The following FHIT variants were observed in gnomAD, a reference collection of about 807,000 sequenced individuals.
The protein encoded by FHIT is bis(5'-adenosyl)-triphosphatase.
In FHIT, 19 loss-of-function variants were observed where a neutral mutation model predicts 17.9. That is an observed-to-expected ratio of 1.06 (90% CI 0.74 to 1.56). The LOEUF is 1.56. Ranked by LOEUF, FHIT falls within the 40% of genes most tolerant of loss-of-function variation. The pLI is 0.00. For missense variants in FHIT, 248 were observed against 189.2 expected (o/e 1.31, Z -1.82); for synonymous variants, 81 against 69.7 (o/e 1.16, Z -0.81).
At chr3:60,513,228 TGA>T (rs548284174) in intron 5 of FHIT, among the ~76,000 whole-genome samples, 96 of 152,332 alleles carry the variant, frequency 6.3e-4, no homozygotes, top group African/African-American at 2.3e-3. Context: ...TGAATCTCAA[TGA>T]GAGATAAACA....
intron 5 of FHIT, among the ~76,000 whole-genome samples, chr3:60,246,056 G>A (rs1705380498): frequency 1.3e-5 from 2 of 152,014 alleles, no homozygotes; most frequent in African/African-American, 4.8e-5. Context: ...CTTAAAAAAT[G>A]CTTATTTTTA....
chr3:61,074,028 C>G (rs1245527095), intron 2 of FHIT, among the ~76,000 whole-genome samples: 1 of 152,098 alleles, frequency 6.6e-6, no homozygotes, highest in South Asian at 2.1e-4. Context: ...TTATTAGACA[C>G]GAGAATGTAA....
chr3:60,322,345 G>A (rs1709471045), intron 5 of FHIT, among the ~76,000 whole-genome samples: 1 of 152,104 alleles, frequency 6.6e-6, no homozygotes, highest in South Asian at 2.1e-4. Flanking sequence ...CATCACATGT[G>A]ACATCCCATT....
At chr3:59,843,807 A>C (rs1033983289) in intron 8 of FHIT, among the ~76,000 whole-genome samples, 1 of 151,606 alleles carries the variant, frequency 6.6e-6, no homozygotes, top group Non-Finnish European at 1.5e-5. Flanking sequence ...GGTTTTCTAC[A>C]TGTAAGTTCA....
intron 3 of FHIT, among the ~76,000 whole-genome samples, chr3:60,984,785 G>GGT (rs58578875): frequency 6.5e-4 from 98 of 150,148 alleles, no homozygotes; most frequent in East Asian, 2.2e-3. Context: ...TTCATGAAGG[G>GGT]GTGTGTGTGT....
chr3:61,120,009 C>A (rs973740654), intron 2 of FHIT, among the ~76,000 whole-genome samples: 13 of 152,276 alleles, frequency 8.5e-5, no homozygotes, highest in Admixed American at 3.3e-4. Flanking sequence ...TTTATTGATT[C>A]TTTTTCTCTG....
chr3:60,323,503 A>G (rs1056244745), intron 5 of FHIT, among the ~76,000 whole-genome samples: 11 of 152,148 alleles, frequency 7.2e-5, no homozygotes, highest in African/African-American at 2.7e-4. Context: ...AACCTGGTAT[A>G]TGGTACAACA....
chr3:60,169,040 T>C (rs1288006500), intron 5 of FHIT, among the ~76,000 whole-genome samples: 1 of 152,190 alleles, frequency 6.6e-6, no homozygotes, highest in Admixed American at 6.5e-5. Context: ...GGGGTAAAAG[T>C]ACGTGGATGA....
chr3:60,877,258 G>A (rs1553756751), intron 3 of FHIT, among the ~76,000 whole-genome samples: 1 of 152,144 alleles, frequency 6.6e-6, no homozygotes, highest in Non-Finnish European at 1.5e-5. Flanking sequence ...CCTCCATAAG[G>A]CTAAGCTGCC....
At chr3:61,017,080 A>G (rs2032154418) in intron 3 of FHIT, among the ~76,000 whole-genome samples, 1 of 152,198 alleles carries the variant, frequency 6.6e-6, no homozygotes, top group Non-Finnish European at 1.5e-5. Context: ...TGAGGTCAGG[A>G]GTTCAAGACC....
chr3:59,927,667 G>A (rs1705739539), intron 7 of FHIT, among the ~76,000 whole-genome samples: 1 of 152,122 alleles, frequency 6.6e-6, no homozygotes, highest in African/African-American at 2.4e-5. Flanking sequence ...TACTCGGGAG[G>A]CTGATGTAGG....
chr3:61,088,808 A>G (rs2035385670), intron 2 of FHIT, among the ~76,000 whole-genome samples: 1 of 152,176 alleles, frequency 6.6e-6, no homozygotes, highest in South Asian at 2.1e-4. Flanking sequence ...TTCTACTTGA[A>G]CATTATCTTA....
chr3:60,336,190 T>G (rs746013621), intron 5 of FHIT, among the ~76,000 whole-genome samples: 1 of 152,168 alleles, frequency 6.6e-6, no homozygotes, highest in Non-Finnish European at 1.5e-5. Context: ...CCGAACCAAG[T>G]TGGGGCTGCT....
At chr3:61,121,291 G>A (rs189577192) in intron 2 of FHIT, among the ~76,000 whole-genome samples, 11 of 152,146 alleles carry the variant, frequency 7.2e-5, no homozygotes, top group East Asian at 1.9e-4. Flanking sequence ...ACACATAATC[G>A]TCAGATTCAC....
intron 5 of FHIT, among the ~76,000 whole-genome samples, chr3:60,361,415 T>A (rs923915199): frequency 4.6e-5 from 7 of 152,258 alleles, no homozygotes; most frequent in Non-Finnish European, 4.4e-5. Context: ...CTGTGTTTTA[T>A]AAGTAAAAGA....
intron 5 of FHIT, among the ~76,000 whole-genome samples, chr3:60,174,561 T>C (rs1701580755): frequency 6.6e-6 from 1 of 152,086 alleles, no homozygotes; most frequent in Non-Finnish European, 1.5e-5. Flanking sequence ...AGAGAAAATA[T>C]AATTTGGCCA....
intron 5 of FHIT, among the ~76,000 whole-genome samples, chr3:60,224,444 C>G (rs1181548182): frequency 2.0e-5 from 3 of 152,144 alleles, no homozygotes; most frequent in Non-Finnish European, 4.4e-5. Flanking sequence ...GACATATAAT[C>G]TGCTCCTGTA....
intron 5 of FHIT, among the ~76,000 whole-genome samples, chr3:60,312,775 C>T (rs575878331): frequency 6.6e-6 from 1 of 152,044 alleles, no homozygotes; most frequent in South Asian, 2.1e-4. Flanking sequence ...TATATACATA[C>T]GTATATACAC....
At chr3:60,663,232 C>T (rs989746578) in intron 4 of FHIT, among the ~76,000 whole-genome samples, 1 of 141,906 alleles carries the variant, frequency 7.0e-6, no homozygotes, top group Admixed American at 7.3e-5. Flanking sequence ...TATTGTAGGT[C>T]CTGTGCATTT....
Sources: gnomAD v4.1 joint callset for allele counts (sites outside exome capture counted in the v4.1 genomes callset) on GRCh38, gnomAD v4.1.1 for gene constraint, MANE v1.5 for transcripts, NCBI Gene and HGNC (gene_info 2026-07-23, HGNC 2026-07-21) for gene names.